ARID1B: variants seen among roughly 807,000 people sequenced by gnomAD.
ARID1B encodes AT-rich interaction domain 1B.
Under a neutral mutation model 212.3 loss-of-function variants are expected in ARID1B, and 30 were observed. The observed-to-expected ratio is 0.14, with a 90% CI of 0.11 to 0.19. ARID1B has a LOEUF of 0.19. Ranked by LOEUF, ARID1B falls within the 10% of genes least tolerant of loss-of-function variation. ARID1B has a pLI of 1.00. For missense variants in ARID1B, 2,891 were observed against 3,204.0 expected (o/e 0.90, Z 2.36); for synonymous variants, 1,402 against 1,301.7 (o/e 1.08, Z -1.66).
rs1488190042 is a variant in ARID1B, at chr6:156,779,448, G to A, written c.1768G>A (p.Gly590Arg). The A allele has an allele frequency of 6.9e-7, 1 of 1,455,374 alleles. No homozygotes were observed. The highest frequency in any genetic ancestry group is 1.3e-5 in the South Asian group (1 of 79,244). 90.2% of individuals were successfully genotyped at this position (1,455,374 alleles called of 1,614,324 possible). ...CCCGGCGATGAGCCCCGGCACCCCCGGACCGACCATGGGCAGATCCCAGGT... is the reference window on the plus strand; with the variant it reads ...CCCGGCGATGAGCCCCGGCACCCCCAGACCGACCATGGGCAGATCCCAGGT... ...SHPAMSPGTPGPTMGRSQGSP... is the reference protein window; with the variant it reads ...SHPAMSPGTPRPTMGRSQGSP... Residue 590 changes from glycine (G) to arginine (R), a missense_variant, in exon 1 of 20, where the codon GGA (glycine) becomes AGA (arginine). Around this residue, in one of 7 missense-constraint regions of ARID1B, gnomAD observed 1,643 missense variants for 1,544.0 expected, o/e 1.06. Coordinates refer to ENST00000636930, the MANE Select transcript of ARID1B (RefSeq NM_001374828.1).
chr6:157,113,348 G>T (rs1199511460), intron 6 of ARID1B, among the ~76,000 whole-genome samples: 1 of 152,162 alleles, frequency 6.6e-6, no homozygotes, highest in East Asian at 1.9e-4. Context: ...GTTATAGTTT[G>T]TTTTCACACT....
At position 156,778,909 on chromosome 6, in the gene ARID1B, G is replaced by C. The variant is rs1455234951; in HGVS notation, c.1229G>C (p.Gly410Ala). 100 of 1,352,872 alleles carry C rather than the reference G, an allele frequency of 7.4e-5. No homozygotes were observed. Among genetic ancestry groups the C allele is most frequent in the African/African-American group, 4.4e-4 (28 of 63,854 alleles). 83.8% of individuals were successfully genotyped at this position (1,352,872 alleles called of 1,614,324 possible). ...GGGSGGGGGG[G>A]GAGAGGAGAG... Reference sequence around the variant, plus strand: ...GGCAGCGGAGGAGGAGGAGGAGGAGGAGGAGCAGGAGCAGGAGGAGCAGGA... The same window carrying C: ...GGCAGCGGAGGAGGAGGAGGAGGAGCAGGAGCAGGAGCAGGAGGAGCAGGA... Residue 410 changes from glycine (G) to alanine (A), a missense_variant, in exon 1 of 20, where the codon GGA (glycine) becomes GCA (alanine). By Grantham distance (60) the Gly-to-Ala change is moderately conservative. Transcript: ENST00000636930.
chr6:157,188,292 G>A (rs1793121121), intron 13 of ARID1B, among the ~76,000 whole-genome samples: 1 of 152,148 alleles, frequency 6.6e-6, no homozygotes, highest in Admixed American at 6.5e-5. Flanking sequence ...TCAGTGCAGG[G>A]CTCACAGGGA....
rs1482762767 is a variant in ARID1B at position 157,024,254 on chromosome 6, G to T, written c.2248-60408G>T. The T allele has an allele frequency of 2.6e-5, 4 of 152,340 alleles. No individual in the cohort carries two copies. In the South Asian group the frequency reaches 8.3e-4, roughly 32 times the overall value. The allele number at this position is 152,340 out of a possible 1,614,324, so 9.4% of individuals were successfully genotyped here. A position where few individuals can be genotyped will look rare whatever the true frequency, so the allele number is the denominator to read the frequency against. On this transcript the variant is annotated intron_variant, in intron 4 of 19. Transcript: ENST00000636930. ...CATTTCATCCCAAACGCTGACCAAG[G>T]TTGTTTATAAACTCTTAGAAAAACA...
At chr6:157,120,185 C>T (rs1787612699) in intron 6 of ARID1B, among the ~76,000 whole-genome samples, 1 of 152,188 alleles carries the variant, frequency 6.6e-6, no homozygotes, top group South Asian at 2.1e-4. Flanking sequence ...GCAGCTAAAA[C>T]TTAAAGGATT....
chr6:157,144,979 T>C (rs1789620852), intron 7 of ARID1B, among the ~76,000 whole-genome samples: 1 of 152,222 alleles, frequency 6.6e-6, no homozygotes, highest in Admixed American at 6.5e-5. Context: ...TTTAAGGAGC[T>C]GCCAATAAAA....
intron 3 of ARID1B, among the ~76,000 whole-genome samples, chr6:156,935,201 T>TC (rs1246905273): frequency 6.6e-6 from 1 of 151,652 alleles, no homozygotes; most frequent in Non-Finnish European, 1.5e-5. Flanking sequence ...CAAGCTATCC[T>TC]CCCACCTCAG....
At chr6:156,785,737 A>C (rs1779588243) in intron 1 of ARID1B, among the ~76,000 whole-genome samples, 1 of 152,220 alleles carries the variant, frequency 6.6e-6, no homozygotes, top group Non-Finnish European at 1.5e-5. Flanking sequence ...TGTGTATTGT[A>C]AGTAAAATAA....
chr6:156,814,788 A>G (rs942614294), intron 1 of ARID1B, among the ~76,000 whole-genome samples: 1 of 152,182 alleles, frequency 6.6e-6, no homozygotes, highest in Admixed American at 6.5e-5. Flanking sequence ...GTTGTAGGCA[A>G]TGCCGTCTCA....
rs964255409 is a variant in ARID1B at position 157,190,645 on chromosome 6, G to A, written c.4231+435G>A. Among the ~76,000 whole-genome samples the A allele has an allele frequency of 5.9e-5, 9 of 152,226 alleles. No individual in the cohort carries two copies. Among genetic ancestry groups the A allele is most frequent in the African/African-American group, 9.7e-5 (4 of 41,450 alleles). ...TTGGCATGGTGGTGTGCTAGTGTGC[G>A]CTGGGCGCTAGCTCGTGGATTGGTA... On this transcript the variant is annotated intron_variant, in intron 15 of 19. Coordinates refer to ENST00000636930, the MANE Select transcript of ARID1B (RefSeq NM_001374828.1). The surrounding 1 kb of genome is among the most constrained non-coding windows in gnomAD (Gnocchi z 4.6).
intron 2 of ARID1B, among the ~76,000 whole-genome samples, chr6:156,838,851 A>T (rs1214960003): frequency 1.3e-5 from 2 of 152,102 alleles, no homozygotes; most frequent in Non-Finnish European, 2.9e-5. Context: ...GGCCTATGGG[A>T]TCTGTGACCT....
In ARID1B at chr6:156,778,889, CGGAGGA is replaced by C. The variant is rs747790383; in HGVS notation, c.1229_1234del (p.Gly410_Gly411del). 2,746 of 1,366,178 alleles carry C rather than the reference CGGAGGA, an allele frequency of 2.0e-3. 14 individuals carry two copies. Among genetic ancestry groups the C allele is most frequent in the East Asian group, 3.9e-3 (125 of 31,750 alleles). 84.6% of individuals were successfully genotyped at this position (1,366,178 alleles called of 1,614,324 possible). ...GCGGCGGCGGAGGAGGAGGAGGCAG[CGGAGGA>C]GGAGGAGGAGGAGGAGGAGCAGGAG... On this transcript the variant is annotated inframe_deletion, in exon 1 of 20. Transcript: ENST00000636930.
At chr6:156,947,860 T>G (rs1793277452) in intron 4 of ARID1B, among the ~76,000 whole-genome samples, 1 of 152,210 alleles carries the variant, frequency 6.6e-6, no homozygotes, top group Non-Finnish European at 1.5e-5. Flanking sequence ...AAAATTAAAA[T>G]TAATGATTTC....
At chr6:157,084,555 G>A in intron 4 of ARID1B, 107 bp from the exon 5 acceptor site, 1 of 1,407,008 alleles carries the variant, frequency 7.1e-7, no homozygotes, top group East Asian at 2.3e-5. Context: ...GTGTTACCCA[G>A]AAAACCTTCA....
rs780099478 is a variant in ARID1B, at chr6:157,210,150, TCAAA to T, written c.*2262_*2265del. 50 of 232,510 alleles carry T rather than the reference TCAAA, an allele frequency of 2.2e-4. No individual in the cohort carries two copies. The highest frequency in any genetic ancestry group is 4.3e-4 in the East Asian group (7 of 16,428). The allele number at this position is 232,510 out of a possible 1,614,324, so 14.4% of individuals were successfully genotyped here. On this transcript the variant is annotated 3_prime_UTR_variant, in exon 20 of 20. Coordinates refer to ENST00000636930, the MANE Select transcript of ARID1B (RefSeq NM_001374828.1). ...ATCTGTCAACTCCCACATTACTGAGTCAAACAGTCTTCTTACATAACAATGCAAC... is the reference window on the plus strand; with the variant it reads ...ATCTGTCAACTCCCACATTACTGAGTCAGTCTTCTTACATAACAATGCAAC...
intron 2 of ARID1B, among the ~76,000 whole-genome samples, chr6:156,841,657 T>C (rs572126828): frequency 1.3e-5 from 2 of 152,298 alleles, no homozygotes; most frequent in South Asian, 4.2e-4. Context: ...ATTTTATGAA[T>C]AGTAATAGTA....
At chr6:156,918,435 T>C (rs1278719642) in intron 3 of ARID1B, among the ~76,000 whole-genome samples, 2 of 152,172 alleles carry the variant, frequency 1.3e-5, no homozygotes, top group African/African-American at 4.8e-5. Flanking sequence ...AGGACATATA[T>C]AGTTTGTTGC....
At chr6:156,885,199 G>T (rs1480771120) in intron 2 of ARID1B, among the ~76,000 whole-genome samples, 1 of 152,008 alleles carries the variant, frequency 6.6e-6, no homozygotes, top group Non-Finnish European at 1.5e-5. Context: ...GATTTTGGAG[G>T]GTTCTGTCTT....
intron 4 of ARID1B, among the ~76,000 whole-genome samples, chr6:156,989,129 ACTT>A (rs1233167221): frequency 6.6e-6 from 1 of 151,908 alleles, no homozygotes; most frequent in African/African-American, 2.4e-5. Flanking sequence ...TTTGGATTTA[ACTT>A]CTTGGCCATG....
Sources: gnomAD v4.1 joint callset for allele counts (sites outside exome capture counted in the v4.1 genomes callset) on GRCh38, gnomAD v4.1.1 for gene constraint, gnomAD v4.1.1 regional missense constraint, Gnocchi (gnomAD v3.1) non-coding constraint, MANE v1.5 for transcripts, NCBI Gene and HGNC (gene_info 2026-07-23, HGNC 2026-07-21) for gene names.